SUCLG2: variants seen among roughly 807,000 people sequenced by gnomAD.
SUCLG2 encodes succinate-CoA ligase GDP-forming subunit beta.
SUCLG2 carries 42 observed loss-of-function variants against 47.9 expected under a neutral mutation model. That is an observed-to-expected ratio of 0.88 (90% confidence interval 0.69 to 1.14). The LOEUF (loss-of-function observed/expected upper bound fraction) is 1.14, where lower values mean the gene tolerates loss of function less well. SUCLG2 is among the 50% of genes most tolerant of loss of function. The pLI is 0.00. For synonymous variants in SUCLG2, 195 were observed against 197.3 expected (o/e 0.99, Z 0.10); for missense variants, 571 against 525.9 (o/e 1.09, Z -0.84).
At chr3:67,385,674 T>C (rs1702244341) in intron 10 of SUCLG2, among the ~76,000 whole-genome samples, 1 of 152,260 alleles carries the variant, frequency 6.6e-6, no homozygotes, top group African/African-American at 2.4e-5. Context: ...CAAAGCTGCC[T>C]AATTCTGGGG....
chr3:67,638,274 G>A (rs1701041214), intron 1 of SUCLG2, among the ~76,000 whole-genome samples: 1 of 152,196 alleles, frequency 6.6e-6, no homozygotes, highest in African/African-American at 2.4e-5. Context: ...GAGTGTCAAA[G>A]AGAAAATGCC....
At position 67,506,953 on chromosome 3, in the gene SUCLG2, C is replaced by T. The variant is rs918847599; in HGVS notation, c.757+1854G>A. Among the ~76,000 whole-genome samples, 3 of 152,288 alleles carry T rather than the reference C, an allele frequency of 2.0e-5. No individual in the cohort carries two copies. The East Asian group carries it at 5.8e-4, about 29-fold the overall frequency. Reference sequence around the variant, plus strand: ...TATCAGAATCAATATGCACGCTGGACTCAGAGGGACATGGGTTCAAATCCC... The same window carrying T: ...TATCAGAATCAATATGCACGCTGGATTCAGAGGGACATGGGTTCAAATCCC... On this transcript the variant is annotated intron_variant, in intron 7 of 10. Coordinates refer to ENST00000307227, the MANE Select transcript of SUCLG2 (RefSeq NM_003848.4).
intron 2 of SUCLG2, among the ~76,000 whole-genome samples, chr3:67,551,551 T>C (rs1303283232): frequency 1.3e-5 from 2 of 151,818 alleles, no homozygotes; most frequent in African/African-American, 4.8e-5. Flanking sequence ...AGCACATCCC[T>C]CCCCCAACAT....
intron 1 of SUCLG2, 97 bp downstream of exon 1, chr3:67,654,406 A>AG: frequency 9.8e-7 from 1 of 1,016,840 alleles, no homozygotes; most frequent in Non-Finnish European, 1.3e-6. Context: ...GGGGCCGCGC[A>AG]GGGGGTCAGG....
intron 9 of SUCLG2, among the ~76,000 whole-genome samples, chr3:67,494,173 T>C (rs73088921): frequency 0.03 from 4,562 of 152,316 alleles, 94 homozygotes; most frequent in African/African-American, 0.061. Context: ...TATTTATTAA[T>C]GGGAAGCTTC....
intron 4 of SUCLG2, among the ~76,000 whole-genome samples, chr3:67,527,342 A>G (rs1212909247): frequency 6.6e-6 from 1 of 152,180 alleles, no homozygotes; most frequent in Non-Finnish European, 1.5e-5. Flanking sequence ...CAGGGCTGAC[A>G]CATGTGATCT....
chr3:67,598,954 C>G (rs1708355495), intron 2 of SUCLG2, among the ~76,000 whole-genome samples: 1 of 152,142 alleles, frequency 6.6e-6, no homozygotes, highest in Non-Finnish European at 1.5e-5. Context: ...TACCACAGTG[C>G]CTTCTCAAAG....
Position 67,520,529 on chromosome 3 carries a change from C to T in SUCLG2, c.523G>A (p.Val175Ile), listed in dbSNP as rs765127368. The T allele has an allele frequency of 3.7e-6, 6 of 1,614,168 alleles. No individual in the cohort carries two copies. The highest frequency in any genetic ancestry group is 1.7e-4 in the Middle Eastern group (1 of 6,060). ...GAAGCAGCCACCTCTTCAATGTCGA[C>T]GCCCCCCTGGGGGCTGCCCACCAGC... is the stretch of plus-strand genomic sequence containing the variant. ...PVLVGSPQGG[V>I]DIEEVAASNP... The change falls in exon 5 of 11, where the codon GTC becomes ATC. Residue 175 changes from valine to isoleucine, a missense_variant. Val to Ile is a conservative substitution (Grantham distance 29). Transcript: ENST00000307227.
chr3:67,610,484 T>C (rs9814167), intron 1 of SUCLG2, among the ~76,000 whole-genome samples: 72,936 of 149,726 alleles, frequency 0.49, 18,665 homozygotes, highest in African/African-American at 0.64. Flanking sequence ...CTACCAAATC[T>C]GTAAGCCCCA....
At chr3:67,481,190 G>A (rs1704905530) in intron 9 of SUCLG2, among the ~76,000 whole-genome samples, 1 of 152,170 alleles carries the variant, frequency 6.6e-6, no homozygotes. Flanking sequence ...TGCATGTCAT[G>A]GCAAGGGTAA....
chr3:67,626,376 C>G (rs1364605020), intron 1 of SUCLG2, among the ~76,000 whole-genome samples: 1 of 151,940 alleles, frequency 6.6e-6, no homozygotes, highest in Non-Finnish European at 1.5e-5. Flanking sequence ...CAGCACCAAG[C>G]AGCAAGGGGT....
intron 2 of SUCLG2, among the ~76,000 whole-genome samples, chr3:67,598,433 T>C (rs1242835090): frequency 6.6e-6 from 1 of 152,210 alleles, no homozygotes; most frequent in Non-Finnish European, 1.5e-5. Flanking sequence ...TTAATAATAG[T>C]TCTGGAATAA....
intron 9 of SUCLG2, among the ~76,000 whole-genome samples, chr3:67,408,371 T>C (rs188886867): frequency 3.8e-4 from 58 of 152,318 alleles, no homozygotes; most frequent in African/African-American, 1.3e-3. Flanking sequence ...TCCACGATCC[T>C]GCCTGAAAAT....
chr3:67,383,811 A>G (rs1702208715), intron 10 of SUCLG2, among the ~76,000 whole-genome samples: 1 of 152,214 alleles, frequency 6.6e-6, no homozygotes, highest in Admixed American at 6.5e-5. Flanking sequence ...ATATTAAACA[A>G]GAATGGAATG....
intron 10 of SUCLG2, among the ~76,000 whole-genome samples, chr3:67,365,305 C>T (rs534186030): frequency 1.3e-5 from 2 of 152,192 alleles, no homozygotes; most frequent in Admixed American, 6.5e-5. Flanking sequence ...AGAAGCTGAA[C>T]GAAACTCACG....
chr3:67,478,324 A>G (rs76196667), intron 9 of SUCLG2, among the ~76,000 whole-genome samples: 2,013 of 152,350 alleles, frequency 0.013, 50 homozygotes, highest in African/African-American at 0.046. Flanking sequence ...TGCATCGTAC[A>G]GACCAAACAA....
chr3:67,573,716 C>G (rs1253324581), intron 2 of SUCLG2, among the ~76,000 whole-genome samples: 1 of 152,152 alleles, frequency 6.6e-6, no homozygotes, highest in African/African-American at 2.4e-5. Flanking sequence ...ACCTGGGATT[C>G]AAACGGCCTG....
chr3:67,398,215 C>A (rs1475808578), intron 10 of SUCLG2, among the ~76,000 whole-genome samples: 1 of 150,434 alleles, frequency 6.6e-6, no homozygotes, highest in Non-Finnish European at 1.5e-5. Flanking sequence ...AAAGAAACTA[C>A]CATCAGAGTG....
intron 2 of SUCLG2, among the ~76,000 whole-genome samples, chr3:67,572,302 TGTTAATTCATCATTCTTG>T (rs1346796833): frequency 6.6e-6 from 1 of 152,168 alleles, no homozygotes; most frequent in African/African-American, 2.4e-5. Flanking sequence ...ACACTGTATA[TGTTAATTCATCATTCTTG>T]GATAAATGTA....
Sources: gnomAD v4.1 joint callset for allele counts (sites outside exome capture counted in the v4.1 genomes callset) on GRCh38, gnomAD v4.1.1 for gene constraint, MANE v1.5 for transcripts, NCBI Gene and HGNC (gene_info 2026-07-23, HGNC 2026-07-21) for gene names.